FAM81A: variants seen among roughly 807,000 people sequenced by gnomAD.
FAM81A encodes the protein protein FAM81A.
Under a neutral mutation model 46.7 loss-of-function variants are expected in FAM81A, and 19 were observed. That is an observed-to-expected ratio of 0.41 (90% CI 0.28 to 0.60). The LOEUF (loss-of-function observed/expected upper bound fraction) is 0.60. Among genes scored for constraint, FAM81A ranks in the 20% least tolerant of loss-of-function variants. The pLI, the probability that FAM81A is intolerant of heterozygous loss-of-function variation, is 0.34. For missense variants in FAM81A, 377 were observed against 453.5 expected, an observed-to-expected ratio of 0.83 and a Z score of 1.53; for synonymous variants, 183 against 152.9, an observed-to-expected ratio of 1.20 and a Z score of -1.45.
chr15:59,456,750 A>AT (rs1164745062), intron 1 of FAM81A, among the ~76,000 whole-genome samples: 1 of 151,760 alleles, frequency 6.6e-6, no homozygotes, highest in African/African-American at 2.4e-5. Context: ...TAATTTTTGT[A>AT]TTTTTTGTAG....
At chr15:59,449,637 C>G (rs1596479022) in intron 1 of FAM81A, among the ~76,000 whole-genome samples, 1 of 152,072 alleles carries the variant, frequency 6.6e-6, no homozygotes, top group East Asian at 1.9e-4. Context: ...AAAAAATTAG[C>G]CGGGCGTGGT....
chr15:59,404,106 C>T (rs2081084058), intron 2 of FAM81A, among the ~76,000 whole-genome samples: 1 of 152,056 alleles, frequency 6.6e-6, no homozygotes, highest in Non-Finnish European at 1.5e-5. Context: ...TGGTCTCGAT[C>T]TCTTGACCTC....
intron 3 of FAM81A, among the ~76,000 whole-genome samples, chr15:59,479,080 A>C (rs1393700860): frequency 6.6e-6 from 1 of 152,256 alleles, no homozygotes; most frequent in Non-Finnish European, 1.5e-5. Context: ...GCCCAAGCAC[A>C]CAGGCCTCTG....
At chr15:59,490,964 G>A (rs1282764175) in intron 3 of FAM81A, among the ~76,000 whole-genome samples, 2 of 152,188 alleles carry the variant, frequency 1.3e-5, no homozygotes, top group Admixed American at 6.5e-5. Flanking sequence ...CAGTGTTGGC[G>A]GGAATGTAAA....
At chr15:59,412,000 A>C (rs1212183646) in intron 2 of FAM81A, among the ~76,000 whole-genome samples, 1 of 151,916 alleles carries the variant, frequency 6.6e-6, no homozygotes, top group Non-Finnish European at 1.5e-5. Flanking sequence ...ACAAACAAAA[A>C]AAAAAAACGG....
At chr15:59,519,227 C>T (rs368736190) in intron 8 of FAM81A, among the ~76,000 whole-genome samples, 4 of 151,376 alleles carry the variant, frequency 2.6e-5, no homozygotes, top group Admixed American at 6.6e-5. Flanking sequence ...CTTGCTCTGT[C>T]GCCCAGGCTG....
At chr15:59,456,536 C>T (rs754146631) in intron 1 of FAM81A, among the ~76,000 whole-genome samples, 5 of 152,106 alleles carry the variant, frequency 3.3e-5, no homozygotes, top group Admixed American at 2.0e-4. Context: ...TTTCCCTCCC[C>T]ATGTGCTTTT....
intron 1 of FAM81A, among the ~76,000 whole-genome samples, chr15:59,457,661 G>A (rs894568781): frequency 6.6e-6 from 1 of 152,092 alleles, no homozygotes; most frequent in Non-Finnish European, 1.5e-5. Flanking sequence ...TTCCTTAAAT[G>A]TAATTTGTTT....
At chr15:59,519,372 A>G in intron 8 of FAM81A, among the ~76,000 whole-genome samples, 1 of 151,796 alleles carries the variant, frequency 6.6e-6, no homozygotes, top group Non-Finnish European at 1.5e-5. Flanking sequence ...TATTTTTAGT[A>G]GAGATGGAGT....
chr15:59,440,913 G>C (rs1162837549), intron 1 of FAM81A, among the ~76,000 whole-genome samples: 2 of 152,008 alleles, frequency 1.3e-5, no homozygotes, highest in African/African-American at 2.4e-5. Flanking sequence ...TCTTCTCCCA[G>C]CCTGCCACAT....
intron 1 of FAM81A, chr15:59,401,273 C>T (rs1451138214): frequency 1.5e-5 from 16 of 1,034,524 alleles, no homozygotes; most frequent in African/African-American, 1.3e-4. Context: ...TTGTTGGTAA[C>T]CTGGGCATAT....
At chr15:59,479,135 A>G (rs1436136185) in intron 3 of FAM81A, among the ~76,000 whole-genome samples, 3 of 152,204 alleles carry the variant, frequency 2.0e-5, no homozygotes, top group South Asian at 2.1e-4. Context: ...CAGGCAGTCA[A>G]TGCTAAGTAA....
chr15:59,512,160 C>A (rs772561497), intron 6 of FAM81A, among the ~76,000 whole-genome samples: 1 of 152,004 alleles, frequency 6.6e-6, no homozygotes, highest in Non-Finnish European at 1.5e-5. Context: ...CACTTTAGTA[C>A]GTTCCATTTG....
At chr15:59,455,586 C>T (rs1056196177) in intron 1 of FAM81A, among the ~76,000 whole-genome samples, 16 of 152,188 alleles carry the variant, frequency 1.1e-4, no homozygotes, top group African/African-American at 3.6e-4. Flanking sequence ...ACAAACCAAG[C>T]GACCTGCCAG....
At chr15:59,452,435 C>A (rs1445414623) in intron 1 of FAM81A, among the ~76,000 whole-genome samples, 1 of 152,136 alleles carries the variant, frequency 6.6e-6, no homozygotes, top group African/African-American at 2.4e-5. Flanking sequence ...TTACTTGAGG[C>A]TGGGAGTTTG....
intron 7 of FAM81A, among the ~76,000 whole-genome samples, chr15:59,516,141 T>TTA: frequency 6.6e-6 from 1 of 151,698 alleles, no homozygotes; most frequent in South Asian, 2.1e-4. Context: ...TTTTTTTTTT[T>TTA]TTTGAGACAG....
intron 3 of FAM81A, among the ~76,000 whole-genome samples, chr15:59,479,250 G>T (rs2081814490): frequency 2.0e-5 from 3 of 152,156 alleles, no homozygotes; most frequent in Non-Finnish European, 4.4e-5. Flanking sequence ...GGTGGCTCAT[G>T]CCTGTAATCC....
intron 3 of FAM81A, among the ~76,000 whole-genome samples, chr15:59,483,723 G>A (rs1255807922): frequency 1.3e-5 from 2 of 152,180 alleles, no homozygotes; most frequent in Non-Finnish European, 2.9e-5. Context: ...GTGGTTTAGT[G>A]TGCCTGTCTC....
chr15:59,517,602 A>G (rs1042916566), intron 8 of FAM81A, among the ~76,000 whole-genome samples: 2 of 152,214 alleles, frequency 1.3e-5, no homozygotes, highest in African/African-American at 2.4e-5. Context: ...GTATGATTCC[A>G]TGAATTTTCT....
Sources: allele counts gnomAD v4.1 joint callset (sites outside exome capture counted in the v4.1 genomes callset), GRCh38; gene constraint gnomAD v4.1.1; transcripts MANE v1.5; gene names NCBI Gene and HGNC (gene_info 2026-07-23, HGNC 2026-07-21).